Variants in ANTXR1 observed in about 807,000 individuals in gnomAD.
ANTXR1 encodes anthrax toxin receptor 1.
A neutral mutation model predicts 78.1 loss-of-function variants in ANTXR1; 19 were observed. That is an observed-to-expected ratio of 0.24 (90% CI 0.17 to 0.36). The LOEUF (loss-of-function observed/expected upper bound fraction) is 0.36. Ranked by LOEUF, ANTXR1 falls within the 10% of genes least tolerant of loss-of-function variation. ANTXR1 has a pLI of 1.00. For missense variants in ANTXR1, 518 were observed against 718.6 expected, an observed-to-expected ratio of 0.72 and a Z score of 3.19; for synonymous variants, 273 against 260.5, an observed-to-expected ratio of 1.05 and a Z score of -0.46.
At chr2:69,070,225 C>T (rs1460288187) in intron 3 of ANTXR1, among the ~76,000 whole-genome samples, 3 of 152,178 alleles carry the variant, frequency 2.0e-5, no homozygotes, top group African/African-American at 7.2e-5. Flanking sequence ...TGGATGCCAC[C>T]CTCTTCCACC....
intron 13 of ANTXR1, among the ~76,000 whole-genome samples, chr2:69,163,298 G>A (rs1573945553): frequency 7.5e-6 from 1 of 133,876 alleles, no homozygotes; most frequent in African/African-American, 2.9e-5. Context: ...GTGTTGCCAG[G>A]TTCCTCTTTT....
chr2:69,035,228 G>T (rs1248441990), intron 1 of ANTXR1, among the ~76,000 whole-genome samples: 2 of 152,150 alleles, frequency 1.3e-5, no homozygotes, highest in Non-Finnish European at 2.9e-5. Flanking sequence ...TTGGTGGGTG[G>T]TGGTGAGGCA....
intron 3 of ANTXR1, among the ~76,000 whole-genome samples, chr2:69,070,426 G>A (rs539095586): frequency 6.6e-6 from 1 of 152,306 alleles, no homozygotes; most frequent in Admixed American, 6.5e-5. Context: ...GGAGAGTCCT[G>A]CAGAAGAGTC....
chr2:69,063,338 A>G (rs895641189), intron 3 of ANTXR1, among the ~76,000 whole-genome samples: 1 of 152,134 alleles, frequency 6.6e-6, no homozygotes, highest in Non-Finnish European at 1.5e-5. Flanking sequence ...ACTTTTTATT[A>G]GGAAAAAAAA....
At chr2:69,230,710 C>G (rs905314980) in intron 17 of ANTXR1, among the ~76,000 whole-genome samples, 1 of 152,172 alleles carries the variant, frequency 6.6e-6, no homozygotes, top group Non-Finnish European at 1.5e-5. Flanking sequence ...TAAGCATGCA[C>G]AAGTGTGTAA....
chr2:69,044,104 T>C (rs1669687009), intron 2 of ANTXR1, among the ~76,000 whole-genome samples: 1 of 152,178 alleles, frequency 6.6e-6, no homozygotes. Flanking sequence ...ACATTGAGAA[T>C]GCTCCTGAGC....
intron 3 of ANTXR1, among the ~76,000 whole-genome samples, chr2:69,067,491 A>G (rs1293503514): frequency 6.7e-6 from 1 of 149,828 alleles, no homozygotes; most frequent in Non-Finnish European, 1.5e-5. Flanking sequence ...TCAAGTCTTA[A>G]CACAATATTC....
At chr2:69,120,529 C>G (rs4303745) in intron 10 of ANTXR1, among the ~76,000 whole-genome samples, 41,278 of 151,740 alleles carry the variant, frequency 0.27, 6,300 homozygotes, top group African/African-American at 0.41. Context: ...TTAGGTGGGC[C>G]TGGTGGCAGG....
At chr2:69,029,161 A>G (rs1671448287) in intron 1 of ANTXR1, among the ~76,000 whole-genome samples, 1 of 151,966 alleles carries the variant, frequency 6.6e-6, no homozygotes. Flanking sequence ...CCCAGGAGGC[A>G]GAGATTGCAG....
chr2:69,039,026 T>A (rs574505263), intron 1 of ANTXR1, among the ~76,000 whole-genome samples: 1 of 152,118 alleles, frequency 6.6e-6, no homozygotes, highest in Non-Finnish European at 1.5e-5. Context: ...GAGTGCATAA[T>A]AAATAAAAAT....
At chr2:69,018,252 C>G (rs935388005) in intron 1 of ANTXR1, among the ~76,000 whole-genome samples, 1 of 152,176 alleles carries the variant, frequency 6.6e-6, no homozygotes, top group Non-Finnish European at 1.5e-5. Context: ...TCCGACTCCC[C>G]CTGCCATTTC....
intron 10 of ANTXR1, among the ~76,000 whole-genome samples, chr2:69,122,738 T>TC (rs1283483554): frequency 3.3e-5 from 5 of 151,838 alleles, no homozygotes; most frequent in African/African-American, 7.3e-5. Flanking sequence ...ATGCTATCCC[T>TC]CCCCCCTCCT....
chr2:69,051,590 C>A (rs1669935643), intron 3 of ANTXR1, among the ~76,000 whole-genome samples: 1 of 151,936 alleles, frequency 6.6e-6, no homozygotes, highest in South Asian at 2.1e-4. Flanking sequence ...TGGACTACTA[C>A]ATGATCAAAT....
chr2:69,058,000 G>A (rs1463967456), intron 3 of ANTXR1, among the ~76,000 whole-genome samples: 3 of 152,314 alleles, frequency 2.0e-5, no homozygotes, highest in Admixed American at 6.5e-5. Context: ...CTAATGCAAA[G>A]TAAAGCTCTA....
chr2:69,080,429 A>T (rs1670868101), intron 8 of ANTXR1, among the ~76,000 whole-genome samples: 1 of 152,236 alleles, frequency 6.6e-6, no homozygotes, highest in African/African-American at 2.4e-5. Flanking sequence ...TATCCAAAAT[A>T]AGATTGCAGA....
intron 16 of ANTXR1, among the ~76,000 whole-genome samples, chr2:69,189,116 A>G (rs1014422398): frequency 4.6e-5 from 7 of 152,244 alleles, no homozygotes; most frequent in African/African-American, 1.7e-4. Flanking sequence ...GAAAGAGGTT[A>G]TAGGTTGTAT....
intron 3 of ANTXR1, among the ~76,000 whole-genome samples, chr2:69,057,553 C>T (rs764726598): frequency 2.6e-5 from 4 of 152,172 alleles, no homozygotes; most frequent in Admixed American, 6.5e-5. Context: ...ACATGTAAGA[C>T]AGCAAACTTA....
At position 69,101,535 on chromosome 2, in the gene ANTXR1, G is replaced by A. The variant is rs528547069; in HGVS notation, c.704-1307G>A. Among the ~76,000 whole-genome samples, 9 of 152,308 alleles carry A rather than the reference G, an allele frequency of 5.9e-5. No individual in the cohort carries two copies. In the East Asian group the frequency reaches 1.3e-3, roughly 23 times the overall value. Reference sequence around the variant, plus strand: ...ATGTACAATATTTCACAGAGGGCCTGGCTCACATTGAGGGAGCAATTAGCA... The same window carrying A: ...ATGTACAATATTTCACAGAGGGCCTAGCTCACATTGAGGGAGCAATTAGCA... On this transcript the variant is annotated intron_variant, in intron 9 of 17. Transcript: ENST00000303714.
chr2:69,153,274 G>A (rs1050524124), intron 13 of ANTXR1, among the ~76,000 whole-genome samples: 3 of 152,206 alleles, frequency 2.0e-5, no homozygotes, highest in Non-Finnish European at 2.9e-5. Context: ...GTGTGAGGGA[G>A]TTCACATCTG....
Sources: allele counts gnomAD v4.1 joint callset (sites outside exome capture counted in the v4.1 genomes callset), GRCh38; gene constraint gnomAD v4.1.1; transcripts MANE v1.5; gene names NCBI Gene and HGNC (gene_info 2026-07-23, HGNC 2026-07-21).